The following DSCC1 variants were observed in gnomAD, a reference collection of about 807,000 sequenced individuals.
DSCC1 encodes the protein DNA replication and sister chromatid cohesion 1, also known as sister chromatid cohesion protein DCC1.
Under a neutral mutation model 48.2 loss-of-function variants are expected in DSCC1, and 32 were observed. The ratio of observed to expected loss-of-function variants is 0.66; its 90% CI spans 0.50 to 0.89. DSCC1 has a LOEUF of 0.89. Ranked by LOEUF, DSCC1 falls within the 40% of genes least tolerant of loss-of-function variation. The pLI, the probability that DSCC1 is intolerant of heterozygous loss-of-function variation, is 0.00. For missense variants in DSCC1, 421 were observed against 471.7 expected, an observed-to-expected ratio of 0.89 and a Z score of 1.00; for synonymous variants, 150 against 171.5, an observed-to-expected ratio of 0.87 and a Z score of 0.98.
chr8:119,855,875 G>A lies in DSCC1; in HGVS notation c.-80C>T. 1.1e-5 allele frequency: 15 copies of A among 1,384,512 alleles called. No individual in the cohort carries two copies. The highest frequency in any genetic ancestry group is 3.3e-5 in the Admixed American group (1 of 30,006). 85.8% of individuals were successfully genotyped at this position (1,384,512 alleles called of 1,614,324 possible). ...GCAAGAAAGAAGTTCCCAAGCAGCC[G>A]GAAGGTAGGAAACCTGAGCGTTTGA... On this transcript the variant is annotated 5_prime_UTR_variant, in exon 1 of 9. Coordinates refer to ENST00000313655, the MANE Select transcript of DSCC1 (RefSeq NM_024094.3).
At chr8:119,850,293 C>A (rs540597916) in intron 3 of DSCC1, 89 bp downstream of exon 3, 1 of 1,341,424 alleles carries the variant, frequency 7.5e-7, no homozygotes, top group Non-Finnish European at 9.9e-7. Flanking sequence ...AGCTATATAA[C>A]ATAAATTTTA....
rs576706530 is a variant in DSCC1, at chr8:119,855,483, C to T, written c.182+131G>A. On this transcript the variant is annotated intron_variant, in intron 1 of 8. Transcript: ENST00000313655. The stretch of plus-strand genomic sequence containing the variant: ...ACCGGAGGCGTGGACTCCTCGGGAA[C>T]AGGCAGCTTGCTATGAGCCCCCGGC... 38 of 1,290,812 alleles carry T rather than the reference C, an allele frequency of 2.9e-5. No individual in the cohort carries two copies. In the South Asian group the frequency reaches 5.9e-4, roughly 20 times the overall value. The allele number at this position is 1,290,812 out of a possible 1,614,324, so 80.0% of individuals were successfully genotyped here. A position where few individuals can be genotyped will look rare whatever the true frequency, so the allele number is the denominator to read the frequency against.
At chr8:119,851,416 T>C (rs1826942091) in intron 2 of DSCC1, among the ~76,000 whole-genome samples, 2 of 152,212 alleles carry the variant, frequency 1.3e-5, no homozygotes, top group South Asian at 4.1e-4. Context: ...GCTGTTTTAT[T>C]GTCATCTCAG....
At chr8:119,849,274 C>T (rs1159407878) in intron 3 of DSCC1, among the ~76,000 whole-genome samples, 1 of 149,724 alleles carries the variant, frequency 6.7e-6, no homozygotes. Context: ...GGCATGGTGG[C>T]ATGCACCTGT....
At chr8:119,835,036 T>G (rs1826658268) in intron 8 of DSCC1, 35 bp from the exon 9 acceptor site, 1 of 1,367,202 alleles carries the variant, frequency 7.3e-7, no homozygotes, top group East Asian at 2.3e-5. Flanking sequence ...AACATGAATA[T>G]TTTAGGGAAC....
chr8:119,852,224 T>TA (rs141981424), intron 2 of DSCC1, among the ~76,000 whole-genome samples: 7,002 of 152,306 alleles, frequency 0.046, 264 homozygotes, highest in South Asian at 0.13. Context: ...TGTAACAACT[T>TA]AGACAGTTGT....
chr8:119,846,406 C>T (rs1826858105), intron 4 of DSCC1, among the ~76,000 whole-genome samples: 1 of 152,120 alleles, frequency 6.6e-6, no homozygotes, highest in Non-Finnish European at 1.5e-5. Context: ...GCCACCATGC[C>T]CAGCTTGGAC....
At chr8:119,844,118 C>A (rs1322932510) in intron 4 of DSCC1, among the ~76,000 whole-genome samples, 1 of 151,800 alleles carries the variant, frequency 6.6e-6, no homozygotes, top group Non-Finnish European at 1.5e-5. Context: ...TTGACAAAGT[C>A]ACAGCATACT....
intron 4 of DSCC1, among the ~76,000 whole-genome samples, chr8:119,846,243 A>G (rs1826855555): frequency 6.6e-6 from 1 of 151,036 alleles, no homozygotes; most frequent in Non-Finnish European, 1.5e-5. Flanking sequence ...CCTCCTGAGT[A>G]GCTGGGATTA....
intron 3 of DSCC1, among the ~76,000 whole-genome samples, chr8:119,848,534 A>G (rs951236118): frequency 3.9e-5 from 6 of 152,210 alleles, no homozygotes; most frequent in Non-Finnish European, 8.8e-5. Context: ...AATGGAAAAT[A>G]GTGCAGCCAC....
At chr8:119,854,021 G>A (rs1826978816) in intron 1 of DSCC1, among the ~76,000 whole-genome samples, 1 of 152,176 alleles carries the variant, frequency 6.6e-6, no homozygotes. Flanking sequence ...ACCAGCCTGA[G>A]AAACATAGCA....
At chr8:119,848,145 T>C (rs1826889292) in intron 3 of DSCC1, among the ~76,000 whole-genome samples, 1 of 152,156 alleles carries the variant, frequency 6.6e-6, no homozygotes, top group Admixed American at 6.6e-5. Flanking sequence ...AAATATTTTG[T>C]AGAGACAGAT....
At chr8:119,836,710 A>T (rs1826690056) in intron 8 of DSCC1, among the ~76,000 whole-genome samples, 1 of 152,056 alleles carries the variant, frequency 6.6e-6, no homozygotes, top group Non-Finnish European at 1.5e-5. Context: ...GACCTCAGGG[A>T]AAAGGGCAAG....
intron 1 of DSCC1, 76 bp downstream of exon 1, chr8:119,855,538 T>C: frequency 6.7e-7 from 1 of 1,486,946 alleles, no homozygotes; most frequent in Non-Finnish European, 8.9e-7. Flanking sequence ...GGCCCTGTTT[T>C]CTTATCCCGA....
At chr8:119,841,622 T>C (rs1295708114) in intron 7 of DSCC1, among the ~76,000 whole-genome samples, 172 bp downstream of exon 7, 1 of 152,252 alleles carries the variant, frequency 6.6e-6, no homozygotes, top group Non-Finnish European at 1.5e-5. Flanking sequence ...ATGTAAATTA[T>C]ACCCCAATAC....
chr8:119,855,759 G>T lies in DSCC1; in HGVS notation c.37C>A (p.Gln13Lys). 1 of 1,569,916 alleles carries T rather than the reference G, an allele frequency of 6.4e-7. No homozygotes were observed. Among genetic ancestry groups the T allele is most frequent in the South Asian group, 1.2e-5 (1 of 85,342 alleles). The stretch of plus-strand genomic sequence containing the variant: ...TCGGCCGCATTCAGCTTGGCGATCT[G>T]CAGCGTCGCATCCACCTCGTCGCGG... The part of the protein sequence containing the change: ...RTRDEVDATL[Q>K]IAKLNAAELL... The change falls in exon 1 of 9, where the codon CAG becomes AAG. Residue 13 changes from glutamine to lysine, a missense_variant. Physicochemically the swap from Gln to Lys is moderately conservative, Grantham distance 53. Transcript: ENST00000313655.
At chr8:119,846,917 A>C in intron 4 of DSCC1, 73 bp downstream of exon 4, 1 of 1,328,662 alleles carries the variant, frequency 7.5e-7, no homozygotes, top group Non-Finnish European at 1.1e-6. Flanking sequence ...CAGTAGGGTG[A>C]AGATGTCCAA....
chr8:119,837,784 AAG>A (rs1411513437), intron 8 of DSCC1, among the ~76,000 whole-genome samples: 1 of 152,176 alleles, frequency 6.6e-6, no homozygotes, highest in Non-Finnish European at 1.5e-5. Flanking sequence ...AAAGAGAAGA[AAG>A]AGCACCTGAG....
intron 1 of DSCC1, among the ~76,000 whole-genome samples, chr8:119,854,243 A>G (rs185581583): frequency 6.6e-6 from 1 of 152,260 alleles, no homozygotes; most frequent in East Asian, 1.9e-4. Flanking sequence ...CAAAAAAAAG[A>G]TAAAGAAAAA....
Sources: allele counts gnomAD v4.1 joint callset (sites outside exome capture counted in the v4.1 genomes callset), GRCh38; gene constraint gnomAD v4.1.1; transcripts MANE v1.5; gene names NCBI Gene and HGNC (gene_info 2026-07-23, HGNC 2026-07-21).